Variants in REPS2 observed in about 807,000 individuals in gnomAD.
The protein encoded by REPS2 is ralBP1-associated Eps domain-containing protein 2.
In REPS2, 23 loss-of-function variants were observed where a neutral mutation model predicts 53.6. That is an observed-to-expected ratio of 0.43 (90% confidence interval 0.31 to 0.61). The LOEUF (loss-of-function observed/expected upper bound fraction) is 0.61, where lower values mean the gene tolerates loss of function less well. Among genes scored for constraint, REPS2 ranks in the 20% least tolerant of loss-of-function variants. The pLI is 0.11. For missense variants in REPS2, 446 were observed against 534.9 expected (o/e 0.83, Z 1.64); for synonymous variants, 238 against 218.6 (o/e 1.09, Z -0.78).
intron 1 of REPS2, among the ~76,000 whole-genome samples, chrX:16,994,040 T>C (rs2061195208): frequency 8.9e-6 from 1 of 112,441 alleles, no homozygotes; most frequent in Admixed American, 9.4e-5. Flanking sequence ...GAATATTGGA[T>C]GCCTCCACCT....
chrX:17,147,008 C>T (rs149836222), intron 17 of REPS2, among the ~76,000 whole-genome samples: 31 of 111,744 alleles, frequency 2.8e-4, no homozygotes, highest in Admixed American at 4.7e-4. Flanking sequence ...GATTACGAGC[C>T]AGAGATTGCA....
At chrX:16,973,429 C>T (rs1602561978) in intron 1 of REPS2, among the ~76,000 whole-genome samples, 1 of 111,630 alleles carries the variant, frequency 9.0e-6, no homozygotes. Flanking sequence ...GTATTTGTGA[C>T]AAATATTTGA....
chrX:17,010,105 T>C (rs2061410087), intron 2 of REPS2, among the ~76,000 whole-genome samples: 1 of 111,919 alleles, frequency 8.9e-6, no homozygotes, highest in Non-Finnish European at 1.9e-5. Context: ...AAAGTAGTTC[T>C]GTCAGATTCA....
intron 13 of REPS2, among the ~76,000 whole-genome samples, chrX:17,101,743 G>C (rs1458644838): frequency 8.9e-6 from 1 of 111,965 alleles, no homozygotes; most frequent in Non-Finnish European, 1.9e-5. Flanking sequence ...GGCTCACCTG[G>C]TTGGTTCCTC....
chrX:16,989,239 A>T, intron 1 of REPS2, among the ~76,000 whole-genome samples: 1 of 70,499 alleles, frequency 1.4e-5, no homozygotes, highest in African/African-American at 5.4e-5. Flanking sequence ...GGTCAATTAA[A>T]CATCAATATG....
chrX:17,194,783 T>A, the REPS2 span, among the ~76,000 whole-genome samples: 9 of 111,910 alleles, frequency 8.0e-5, no homozygotes, highest in East Asian at 1.4e-3. Flanking sequence ...ATATTCTGAA[T>A]GTAATATTGA....
the REPS2 span, among the ~76,000 whole-genome samples, chrX:17,185,194 T>C: frequency 2.7e-5 from 3 of 111,043 alleles, no homozygotes; most frequent in Non-Finnish European, 3.8e-5. Flanking sequence ...TACTGGGGCC[T>C]TTCTTCACAT....
At chrX:17,040,005 A>G (rs1270543648) in intron 5 of REPS2, among the ~76,000 whole-genome samples, 2 of 112,742 alleles carry the variant, frequency 1.8e-5, no homozygotes, top group African/African-American at 3.2e-5. Flanking sequence ...AGAGATTCCT[A>G]CAGTTTGGCA....
At chrX:16,968,605 C>T (rs1475061470) in intron 1 of REPS2, among the ~76,000 whole-genome samples, 5 of 100,857 alleles carry the variant, frequency 5.0e-5, no homozygotes, top group African/African-American at 1.8e-4. Flanking sequence ...CAGGCAGAGG[C>T]GCCCCTCACC....
intron 5 of REPS2, among the ~76,000 whole-genome samples, chrX:17,040,807 A>G (rs1303383559): frequency 1.8e-5 from 2 of 112,091 alleles, no homozygotes; most frequent in African/African-American, 6.5e-5. Flanking sequence ...GATTGTCTGC[A>G]TAGATAATCA....
chrX:17,069,516 G>T lies in REPS2; in HGVS notation c.1280-424G>T, dbSNP rs142118596. ...AGAACTGGACATTGTCTGCAGTAGC[G>T]TGTACTCTGACCATTCTCCTAACTG... is the stretch of plus-strand genomic sequence containing the variant. On this transcript the variant is annotated intron_variant, in intron 10 of 17. Coordinates refer to ENST00000357277, the MANE Select transcript of REPS2 (RefSeq NM_004726.3). 4.3e-3 allele frequency among the ~76,000 whole-genome samples: 488 copies of T among 112,237 alleles called. 1 individual carries two copies. Among genetic ancestry groups the T allele is most frequent in the Non-Finnish European group, 7.3e-3 (388 of 53,261 alleles).
At chrX:17,028,579 A>T (rs1296449826) in intron 4 of REPS2, among the ~76,000 whole-genome samples, 1 of 112,070 alleles carries the variant, frequency 8.9e-6, no homozygotes, top group Non-Finnish European at 1.9e-5. Flanking sequence ...AGGAAGAAAT[A>T]CAAAAAGCAG....
intron 13 of REPS2, among the ~76,000 whole-genome samples, chrX:17,091,609 A>G (rs763608104): frequency 8.9e-6 from 1 of 112,252 alleles, no homozygotes; most frequent in Non-Finnish European, 1.9e-5. Context: ...GTGAAAAAGT[A>G]TATTCTGTTC....
chrX:17,168,612 A>T, the REPS2 span, among the ~76,000 whole-genome samples: 2 of 111,587 alleles, frequency 1.8e-5, no homozygotes, highest in Non-Finnish European at 3.8e-5. Context: ...CTTGTCCTCC[A>T]TATCTGTTTT....
the REPS2 span, among the ~76,000 whole-genome samples, chrX:17,186,786 T>C: frequency 5.4e-5 from 6 of 111,131 alleles, no homozygotes. Flanking sequence ...TAGTAGCTGA[T>C]GGTGACCCTC....
At chrX:17,191,573 G>GT in the REPS2 span, among the ~76,000 whole-genome samples, 2 of 112,228 alleles carry the variant, frequency 1.8e-5, no homozygotes, top group South Asian at 3.7e-4. Context: ...CCACTTATAA[G>GT]TATTTGCCTG....
intron 2 of REPS2, among the ~76,000 whole-genome samples, chrX:17,013,495 C>T (rs1050333888): frequency 2.7e-5 from 3 of 111,183 alleles, no homozygotes; most frequent in Non-Finnish European, 5.7e-5. Context: ...TTGACAAACC[C>T]TCCCTATCTC....
At chrX:17,129,893 G>T in intron 14 of REPS2, among the ~76,000 whole-genome samples, 1 of 111,917 alleles carries the variant, frequency 8.9e-6, no homozygotes, top group South Asian at 3.7e-4. Flanking sequence ...CCAACTAACT[G>T]AAAGGCAGAG....
intron 17 of REPS2, among the ~76,000 whole-genome samples, chrX:17,146,918 G>A (rs774230320): frequency 1.2e-4 from 14 of 112,033 alleles, no homozygotes; most frequent in African/African-American, 4.2e-4. Flanking sequence ...CATATGTTGT[G>A]CAGAAACTTG....
Sources: allele counts gnomAD v4.1 joint callset (sites outside exome capture counted in the v4.1 genomes callset), GRCh38; gene constraint gnomAD v4.1.1; transcripts MANE v1.5; gene names NCBI Gene and HGNC (gene_info 2026-07-23, HGNC 2026-07-21).